UBR4: variants seen among roughly 807,000 people sequenced by gnomAD.
UBR4 encodes the protein E3 ubiquitin-protein ligase UBR4.
A neutral mutation model predicts 575.6 loss-of-function variants in UBR4; 124 were observed. That is an observed-to-expected ratio of 0.22 (90% CI 0.19 to 0.25). The LOEUF (loss-of-function observed/expected upper bound fraction) is 0.25, where lower values mean the gene tolerates loss of function less well. Ranked by LOEUF, UBR4 falls within the 10% of genes least tolerant of loss-of-function variation. The pLI is 1.00. For missense variants in UBR4, 4,818 were observed against 6,478.8 expected (o/e 0.74, Z 8.80); for synonymous variants, 2,455 against 2,473.7 (o/e 0.99, Z 0.22).
At position 19,081,498 on chromosome 1, in the gene UBR4, A is replaced by G; in HGVS notation, c.15084T>C (p.Ser5028=). The part of the protein sequence containing the change: ...LEQPKEKWVE[S]AFEVDGPYYF... ...AGTAGGGCCCGTCCACTTCAAAGGC[A>G]CTCTCCACCCACTTCTCCTTGGGCT... is the stretch of plus-strand genomic sequence containing the variant. The change falls in exon 103 of 106, where the codon AGT becomes AGC. Residue 5028 remains serine (S), a synonymous_variant. Transcript: ENST00000375254. The G allele has an allele frequency of 6.2e-7, 1 of 1,612,846 alleles. No individual in the cohort carries two copies. Among genetic ancestry groups the G allele is most frequent in the Non-Finnish European group, 8.5e-7 (1 of 1,179,758 alleles).
chr1:19,151,097 T>C, intron 48 of UBR4: 1 of 437,804 alleles, frequency 2.3e-6, no homozygotes, highest in African/African-American at 2.0e-5. Flanking sequence ...CAGGGGTCTC[T>C]ACACACTTTC....
rs35069450 is a variant in UBR4 at position 19,182,799 on chromosome 1, A to T, written c.2184+1012T>A. Among the ~76,000 whole-genome samples the T allele has an allele frequency of 4.5e-3, 683 of 152,360 alleles. 6 individuals carry two copies. Among genetic ancestry groups the T allele is most frequent in the Non-Finnish European group, 7.6e-3 (520 of 68,030 alleles). On this transcript the variant is annotated intron_variant, in intron 17 of 105. Coordinates refer to ENST00000375254, the MANE Select transcript of UBR4 (RefSeq NM_020765.3). The stretch of plus-strand genomic sequence containing the variant: ...GCAATACAGTACTATATCATACTAC[A>T]TGAAAAAAGAGAGAGCTTGAAAACA...
intron 19 of UBR4, 56 bp from the exon 20 acceptor site, chr1:19,176,783 T>C: frequency 6.3e-7 from 1 of 1,590,632 alleles, no homozygotes; most frequent in Non-Finnish European, 8.6e-7. Flanking sequence ...ATTCAGCTTT[T>C]CACTCAGGCA....
intron 50 of UBR4, 142 bp from the exon 51 acceptor site, chr1:19,148,269 A>AT: frequency 2.7e-6 from 3 of 1,122,524 alleles, no homozygotes; most frequent in Non-Finnish European, 3.7e-6. Context: ...AAAAAAAAAA[A>AT]GTTTCAGAAA....
intron 58 of UBR4, among the ~76,000 whole-genome samples, chr1:19,140,227 T>C (rs970723194): frequency 6.9e-6 from 1 of 144,192 alleles, no homozygotes; most frequent in Non-Finnish European, 1.5e-5. Context: ...TTTTTTTTTT[T>C]AATCAGATTA....
chr1:19,075,121 TTC>T (rs2075797000), intron 105 of UBR4: 1 of 577,884 alleles, frequency 1.7e-6, no homozygotes. Context: ...GGTGTTTTTG[TTC>T]TCACATTTGA....
chr1:19,132,072 T>C (rs560066730), intron 60 of UBR4, among the ~76,000 whole-genome samples: 61 of 152,302 alleles, frequency 4.0e-4, no homozygotes, highest in Admixed American at 1.3e-3. Flanking sequence ...TGAATAGCAA[T>C]GAAAATACAG....
chr1:19,190,494 T>A (rs1383215457), intron 11 of UBR4, among the ~76,000 whole-genome samples: 1 of 151,656 alleles, frequency 6.6e-6, no homozygotes, highest in East Asian at 1.9e-4. Context: ...GACTCACATA[T>A]CCAACTGCCC....
intron 11 of UBR4, 80 bp downstream of exon 11, chr1:19,192,108 G>T: frequency 6.7e-7 from 1 of 1,501,530 alleles, no homozygotes; most frequent in African/African-American, 1.4e-5. Flanking sequence ...CTATTGATAT[G>T]AAGTCATACT....
chr1:19,118,001 TG>T, intron 71 of UBR4, 91 bp from the exon 72 acceptor site: 1 of 1,298,308 alleles, frequency 7.7e-7, no homozygotes, highest in Non-Finnish European at 1.1e-6. Context: ...CATGGCTCAA[TG>T]TGAGCCAAAG....
At chr1:19,145,328 T>C (rs933015442) in intron 53 of UBR4, among the ~76,000 whole-genome samples, 1 of 152,198 alleles carries the variant, frequency 6.6e-6, no homozygotes, top group Non-Finnish European at 1.5e-5. Context: ...AGCACCAGGA[T>C]CATCCTACTT....
chr1:19,086,324 A>T, intron 100 of UBR4, 54 bp from the exon 101 acceptor site: 1 of 506,214 alleles, frequency 2.0e-6, no homozygotes, highest in African/African-American at 2.6e-5. Context: ...CGTGGCAACC[A>T]GGCACCTGGG....
chr1:19,096,516 A>G lies in UBR4; in HGVS notation c.13518+7T>C. ...CTGGCCCCCACAACTTGCTGCCCCC[A>G]ACTCACTGTTAGAAGGTGGCGTCCC... is the stretch of plus-strand genomic sequence containing the variant. On this transcript the variant is annotated splice_region_variant and intron_variant, in intron 92 of 105. Transcript: ENST00000375254. 1.2e-6 allele frequency: 2 copies of G among 1,611,836 alleles called. No homozygotes were observed. The highest frequency in any genetic ancestry group is 1.7e-4 in the Middle Eastern group (1 of 5,988).
chr1:19,149,878 T>C (rs933311745), intron 49 of UBR4: 4 of 1,108,470 alleles, frequency 3.6e-6, no homozygotes, highest in South Asian at 1.4e-5. Flanking sequence ...AAGCAAACCA[T>C]GTATGGATAG....
chr1:19,127,061 C>T (rs2081890643), intron 63 of UBR4, among the ~76,000 whole-genome samples: 1 of 152,144 alleles, frequency 6.6e-6, no homozygotes, highest in African/African-American at 2.4e-5. Context: ...CCACCCCACC[C>T]CCTGTAGAGT....
chr1:19,137,554 T>C (rs1557735229), intron 60 of UBR4, among the ~76,000 whole-genome samples: 1 of 152,210 alleles, frequency 6.6e-6, no homozygotes, highest in Non-Finnish European at 1.5e-5. Context: ...TATGCATATA[T>C]TTGCTATGTC....
chr1:19,107,519 G>A (rs958014378), intron 81 of UBR4, among the ~76,000 whole-genome samples: 2 of 152,130 alleles, frequency 1.3e-5, no homozygotes, highest in African/African-American at 2.4e-5. Context: ...GGTGACTCAC[G>A]CCTATAATCC....
Position 19,167,030 on chromosome 1 carries a change from A to G in UBR4, c.4101T>C (p.Asp1367=). ...TTCTCCATCAGGCTCACCTGTTAGG[A>G]TCTGCATGATTGGCCAGAATGTTGT... ...GCYNILANHA[D]PNSGLDESIL... is the part of the protein sequence containing the mutation. The change falls in exon 29 of 106, where the codon GAT becomes GAC. Residue 1367 remains aspartate (D), a synonymous_variant. Coordinates refer to ENST00000375254, the MANE Select transcript of UBR4 (RefSeq NM_020765.3). The G allele has an allele frequency of 6.2e-7, 1 of 1,614,218 alleles. No individual in the cohort carries two copies. Among genetic ancestry groups the G allele is most frequent in the Non-Finnish European group, 8.5e-7 (1 of 1,180,038 alleles).
At chr1:19,118,471 G>A (rs1444117526) in intron 71 of UBR4, 1 of 167,246 alleles carries the variant, frequency 6.0e-6, no homozygotes, top group Non-Finnish European at 1.2e-5. Context: ...CCAGGCTGGA[G>A]TGCAGTGGCG....
Sources: gnomAD v4.1 joint callset for allele counts (sites outside exome capture counted in the v4.1 genomes callset) on GRCh38, gnomAD v4.1.1 for gene constraint, MANE v1.5 for transcripts, NCBI Gene and HGNC (gene_info 2026-07-23, HGNC 2026-07-21) for gene names.